Variants in PPP2CB observed in about 807,000 individuals in gnomAD.
The protein encoded by PPP2CB is protein phosphatase 2 catalytic subunit beta.
PPP2CB carries 18 observed loss-of-function variants against 39.1 expected under a neutral mutation model. The observed-to-expected ratio is 0.46, with a 90% CI of 0.32 to 0.68. The LOEUF (loss-of-function observed/expected upper bound fraction) is 0.68, where lower values mean the gene tolerates loss of function less well. PPP2CB is among the 30% of genes least tolerant of loss of function. The pLI, the probability that PPP2CB is intolerant of heterozygous loss-of-function variation, is 0.04. For missense variants in PPP2CB, 226 were observed against 396.9 expected, an observed-to-expected ratio of 0.57 and a Z score of 3.66; for synonymous variants, 129 against 133.8, an observed-to-expected ratio of 0.96 and a Z score of 0.25.
chr8:30,812,349 C>A lies in PPP2CB; in HGVS notation c.73G>T (p.Glu25Ter). The change falls in exon 1 of 7, where the codon GAG (glutamate) becomes TAG (stop). Residue 25 changes from glutamate (E) to a stop codon, truncating the protein, a stop_gained. Transcript: ENST00000221138. LOFTEE classifies it high-confidence loss of function. ...TCGCACAGCGTCCGCACTTGGTTCT[C>A]GTTCAGCTGCTTACACTCGTTCAGC... ...EQLNECKQLN[E>*]NQVRTLCEKA... The A allele has an allele frequency of 6.4e-7, 1 of 1,554,974 alleles. No individual in the cohort carries two copies. The highest frequency in any genetic ancestry group is 1.2e-5 in the South Asian group (1 of 86,202).
intron 1 of PPP2CB, 84 bp downstream of exon 1, chr8:30,812,236 G>C: frequency 1.9e-6 from 2 of 1,056,248 alleles, no homozygotes; most frequent in Non-Finnish European, 2.4e-6. Flanking sequence ...CGCCGGGCCA[G>C]GGGCGGACGG....
At position 30,797,863 on chromosome 8, in the gene PPP2CB, A is replaced by G. The variant is rs976499751; in HGVS notation, c.313-109T>C. On this transcript the variant is annotated intron_variant, in intron 2 of 6. Coordinates refer to ENST00000221138, the MANE Select transcript of PPP2CB (RefSeq NM_001009552.2). Reference sequence around the variant, plus strand: ...AAACACGGCGCTTTTGGCCACCAGTATATTAAATGTTAATTTCAGTTTCAA... The same window carrying G: ...AAACACGGCGCTTTTGGCCACCAGTGTATTAAATGTTAATTTCAGTTTCAA... 4.8e-6 allele frequency: 5 copies of G among 1,032,816 alleles called. No individual in the cohort carries two copies. The Admixed American group carries it at 1.5e-4, about 31-fold the overall frequency. The allele number at this position is 1,032,816 out of a possible 1,614,324, so 64.0% of individuals were successfully genotyped here.
chr8:30,812,428 C>T lies in PPP2CB; in HGVS notation c.-7G>A. ...TGAACGCCTTGTCGTCCATGGCGGC[C>T]CGATCCCGATGCGGATCCCGAGCCC... On this transcript the variant is annotated 5_prime_UTR_variant, in exon 1 of 7. Coordinates refer to ENST00000221138, the MANE Select transcript of PPP2CB (RefSeq NM_001009552.2). The T allele has an allele frequency of 6.6e-7, 1 of 1,522,392 alleles. No homozygotes were observed. Among genetic ancestry groups the T allele is most frequent in the Non-Finnish European group, 8.8e-7 (1 of 1,131,978 alleles). The allele number at this position is 1,522,392 out of a possible 1,614,324, so 94.3% of individuals were successfully genotyped here. A position where few individuals can be genotyped will look rare whatever the true frequency, so the allele number is the denominator to read the frequency against.
chr8:30,792,543 A>T (rs1208212508), intron 5 of PPP2CB, among the ~76,000 whole-genome samples: 1 of 151,692 alleles, frequency 6.6e-6, no homozygotes, highest in Non-Finnish European at 1.5e-5. Flanking sequence ...TCCTGGCCTC[A>T]AGTGACCCTC....
chr8:30,809,387 A>G (rs1022228835), intron 1 of PPP2CB, among the ~76,000 whole-genome samples: 2 of 152,132 alleles, frequency 1.3e-5, no homozygotes, highest in African/African-American at 2.4e-5. Flanking sequence ...AGGATGGGGT[A>G]GGGATATAAA....
intron 2 of PPP2CB, among the ~76,000 whole-genome samples, chr8:30,798,183 T>C (rs140202546): frequency 6.6e-6 from 1 of 152,334 alleles, no homozygotes; most frequent in Non-Finnish European, 1.5e-5. Context: ...CCCTTTTCAA[T>C]TTTTATTTCC....
chr8:30,804,479 A>G (rs1181962314), intron 1 of PPP2CB, among the ~76,000 whole-genome samples: 2 of 152,202 alleles, frequency 1.3e-5, no homozygotes, highest in East Asian at 1.9e-4. Context: ...TGGACACTAC[A>G]GATGTCAGCC....
chr8:30,812,409 C>T lies in PPP2CB; in HGVS notation c.13G>A (p.Ala5Thr). 1 of 1,537,868 alleles carries T rather than the reference C, an allele frequency of 6.5e-7. No individual in the cohort carries two copies. The highest frequency in any genetic ancestry group is 8.8e-7 in the Non-Finnish European group (1 of 1,138,410). The change falls in exon 1 of 7, where the codon GCG (alanine) becomes ACG (threonine). Residue 5 changes from alanine (A) to threonine (T), a missense_variant. Physicochemically the swap from Ala to Thr is moderately conservative, Grantham distance 58. Coordinates refer to ENST00000221138, the MANE Select transcript of PPP2CB (RefSeq NM_001009552.2). MDDK[A>T]FTKELDQWVE... is the part of the protein sequence containing the mutation. ...CACTGGTCCAGCTCCTTGGTGAACG[C>T]CTTGTCGTCCATGGCGGCCCGATCC...
chr8:30,791,489 T>C lies in PPP2CB; in HGVS notation c.739-174A>G, dbSNP rs367758921. ...GTTTGTGTACCTGTAAAGAATACTGTGCAATTCGTGGGCCTAGGAGTCTGT... is the reference window on the plus strand; with the variant it reads ...GTTTGTGTACCTGTAAAGAATACTGCGCAATTCGTGGGCCTAGGAGTCTGT... On this transcript the variant is annotated intron_variant, in intron 5 of 6. Coordinates refer to ENST00000221138, the MANE Select transcript of PPP2CB (RefSeq NM_001009552.2). 56 of 547,760 alleles carry C rather than the reference T, an allele frequency of 1.0e-4. 2 individuals carry two copies. In the South Asian group the frequency reaches 1.4e-3, roughly 13 times the overall value. 33.9% of individuals were successfully genotyped at this position (547,760 alleles called of 1,614,324 possible).
rs1301466824 is a variant in PPP2CB, at chr8:30,812,404, G to A, written c.18C>T (p.Phe6=). The part of the protein sequence containing the change: MDDKA[F]TKELDQWVEQ... Reference sequence around the variant, plus strand: ...CGACCCACTGGTCCAGCTCCTTGGTGAACGCCTTGTCGTCCATGGCGGCCC... The same window carrying A: ...CGACCCACTGGTCCAGCTCCTTGGTAAACGCCTTGTCGTCCATGGCGGCCC... Residue 6 remains phenylalanine, a synonymous_variant, in exon 1 of 7, where the codon TTC becomes TTT. Coordinates refer to ENST00000221138, the MANE Select transcript of PPP2CB (RefSeq NM_001009552.2). 1.9e-6 allele frequency: 3 copies of A among 1,539,326 alleles called. No homozygotes were observed. Among genetic ancestry groups the A allele is most frequent in the African/African-American group, 1.4e-5 (1 of 70,762 alleles).
intron 1 of PPP2CB, among the ~76,000 whole-genome samples, chr8:30,811,289 AAC>A (rs1287096237): frequency 1.3e-5 from 2 of 152,214 alleles, no homozygotes; most frequent in South Asian, 2.1e-4. Flanking sequence ...CGTGCATGAA[AAC>A]ACACATCCCA....
chr8:30,812,550 G>T lies in PPP2CB; in HGVS notation c.-129C>A, dbSNP rs532266825. ...CCGCCGCCGTCGCCAGGTCCCACAG[G>T]GGGAGGACTGAGCCGGGTAGGGCGG... On this transcript the variant is annotated 5_prime_UTR_variant, in exon 1 of 7. Coordinates refer to ENST00000221138, the MANE Select transcript of PPP2CB (RefSeq NM_001009552.2). 1.2e-4 allele frequency: 65 copies of T among 541,936 alleles called. No homozygotes were observed. The highest frequency in any genetic ancestry group is 2.0e-4 in the African/African-American group (10 of 49,056). 33.6% of individuals were successfully genotyped at this position (541,936 alleles called of 1,614,324 possible).
At chr8:30,808,835 A>C (rs1806769542) in intron 1 of PPP2CB, among the ~76,000 whole-genome samples, 1 of 152,198 alleles carries the variant, frequency 6.6e-6, no homozygotes, top group Non-Finnish European at 1.5e-5. Flanking sequence ...TACAAAAGAA[A>C]ATGGGTGACA....
chr8:30,803,855 C>T (rs1337138651), intron 1 of PPP2CB, among the ~76,000 whole-genome samples: 1 of 150,234 alleles, frequency 6.7e-6, no homozygotes, highest in African/African-American at 2.5e-5. Flanking sequence ...CCTGCTCTGT[C>T]GTCCAGGCTG....
chr8:30,795,202 G>A (rs909253356), intron 3 of PPP2CB, among the ~76,000 whole-genome samples: 9 of 143,570 alleles, frequency 6.3e-5, no homozygotes, highest in Admixed American at 2.2e-4. Context: ...CGCAACCTCC[G>A]CCTTCCGGGT....
intron 3 of PPP2CB, among the ~76,000 whole-genome samples, chr8:30,797,087 G>A (rs1196796823): frequency 1.3e-5 from 2 of 151,960 alleles, no homozygotes; most frequent in South Asian, 2.1e-4. Context: ...GAACTCAAGC[G>A]GTCCTCTTGC....
intron 2 of PPP2CB, among the ~76,000 whole-genome samples, chr8:30,798,234 G>A (rs1185308397): frequency 6.6e-6 from 1 of 152,056 alleles, no homozygotes; most frequent in African/African-American, 2.4e-5. Context: ...ACAAAAACAG[G>A]CCCTTGACAA....
At position 30,812,515 on chromosome 8, in the gene PPP2CB, C is replaced by A; in HGVS notation, c.-94G>T. The A allele has an allele frequency of 7.0e-6, 6 of 858,204 alleles. No individual in the cohort carries two copies. Among genetic ancestry groups the A allele is most frequent in the Non-Finnish European group, 9.6e-6 (6 of 622,578 alleles). 53.2% of individuals were successfully genotyped at this position (858,204 alleles called of 1,614,324 possible). A position where few individuals can be genotyped will look rare whatever the true frequency, so the allele number is the denominator to read the frequency against. On this transcript the variant is annotated 5_prime_UTR_variant, in exon 1 of 7. Transcript: ENST00000221138. ...CCCGGCCCCGGCCCGGGCGCCGCTC[C>A]CCTCTCCCTCCGCCGCCGTCGCCAG... is the stretch of plus-strand genomic sequence containing the variant.
chr8:30,804,638 C>T (rs1327279285), intron 1 of PPP2CB, among the ~76,000 whole-genome samples: 1 of 152,070 alleles, frequency 6.6e-6, no homozygotes, highest in African/African-American at 2.4e-5. Context: ...GAGTGGTTTT[C>T]GGAACCCACT....
Sources: gnomAD v4.1 joint callset for allele counts (sites outside exome capture counted in the v4.1 genomes callset) on GRCh38, gnomAD v4.1.1 for gene constraint, MANE v1.5 for transcripts, NCBI Gene and HGNC (gene_info 2026-07-23, HGNC 2026-07-21) for gene names.